The following CNTNAP2 variants were observed in gnomAD, a reference collection of about 807,000 sequenced individuals.
The protein encoded by CNTNAP2 is contactin associated protein 2.
In CNTNAP2, 98 loss-of-function variants were observed where a neutral mutation model predicts 155.2. The ratio of observed to expected loss-of-function variants is 0.63; its 90% CI spans 0.54 to 0.75. The LOEUF is 0.75. Ranked by LOEUF, CNTNAP2 falls within the 30% of genes least tolerant of loss-of-function variation. The probability of loss-of-function intolerance (pLI) is 0.00; values close to 1 mark genes in which losing one functional copy is unlikely to be tolerated. For missense variants in CNTNAP2, 1,727 were observed against 1,688.1 expected (o/e 1.02, Z -0.40); for synonymous variants, 651 against 631.2 (o/e 1.03, Z -0.47).
intron 13 of CNTNAP2, among the ~76,000 whole-genome samples, chr7:147,878,930 T>C (rs1799471890): frequency 6.6e-6 from 1 of 152,206 alleles, no homozygotes; most frequent in Non-Finnish European, 1.5e-5. Context: ...TCTTGCACAT[T>C]GCATTTGGAT....
At chr7:148,052,821 C>A (rs375572841) in intron 15 of CNTNAP2, among the ~76,000 whole-genome samples, 1 of 152,158 alleles carries the variant, frequency 6.6e-6, no homozygotes, top group Non-Finnish European at 1.5e-5. Context: ...CCAAGGTGAG[C>A]GGATTACTTG....
chr7:147,650,504 G>A (rs1326223791), intron 13 of CNTNAP2, among the ~76,000 whole-genome samples: 2 of 152,092 alleles, frequency 1.3e-5, no homozygotes, highest in Non-Finnish European at 2.9e-5. Flanking sequence ...GAAGATATGA[G>A]GATGAAGACT....
At chr7:147,801,528 A>G (rs1217622675) in intron 13 of CNTNAP2, among the ~76,000 whole-genome samples, 3 of 151,632 alleles carry the variant, frequency 2.0e-5, no homozygotes, top group Non-Finnish European at 4.4e-5. Context: ...GATGATTCTT[A>G]ACGAGCATGC....
Position 146,441,305 on chromosome 7 carries a change from T to G in CNTNAP2, c.97+324332T>G, listed in dbSNP as rs545943811. ...TCTGGGTTGGCAAAATAAAATTTTT[T>G]GGGGGGTTTGTGACTAAGTTTCAGA... is the stretch of plus-strand genomic sequence containing the variant. On this transcript the variant is annotated intron_variant, in intron 1 of 23. Coordinates refer to ENST00000361727, the MANE Select transcript of CNTNAP2 (RefSeq NM_014141.6). Among the ~76,000 whole-genome samples the G allele has an allele frequency of 7.3e-5, 11 of 151,650 alleles. 1 individual carries two copies. The highest frequency in any genetic ancestry group is 2.1e-4 in the South Asian group (1 of 4,828).
chr7:146,622,500 T>C (rs1440219289), intron 1 of CNTNAP2, among the ~76,000 whole-genome samples: 1 of 152,124 alleles, frequency 6.6e-6, no homozygotes, highest in African/African-American at 2.4e-5. Flanking sequence ...TCTATATCTG[T>C]GTCTTCATAT....
chr7:146,284,214 G>C (rs1325754115), intron 1 of CNTNAP2, among the ~76,000 whole-genome samples: 6 of 152,256 alleles, frequency 3.9e-5, no homozygotes, highest in African/African-American at 1.4e-4. Context: ...TTGGGAGAAT[G>C]TAAACTCAAA....
chr7:146,928,793 C>G (rs924655842), intron 3 of CNTNAP2, among the ~76,000 whole-genome samples: 8 of 152,218 alleles, frequency 5.3e-5, no homozygotes, highest in Admixed American at 2.6e-4. Context: ...TATCCCGCAC[C>G]TGGCTCGGAG....
intron 3 of CNTNAP2, among the ~76,000 whole-genome samples, chr7:146,916,706 C>T (rs892724592): frequency 6.6e-6 from 1 of 151,932 alleles, no homozygotes; most frequent in East Asian, 1.9e-4. Context: ...GATCTTTTCT[C>T]TTCTTTTTTT....
chr7:146,748,100 T>C, intron 1 of CNTNAP2, among the ~76,000 whole-genome samples: 1 of 151,336 alleles, frequency 6.6e-6, no homozygotes. Flanking sequence ...GAGAGTAAAG[T>C]AGTTTGTCCA....
intron 9 of CNTNAP2, among the ~76,000 whole-genome samples, chr7:147,362,291 C>A (rs946500738): frequency 6.6e-6 from 1 of 152,112 alleles, no homozygotes; most frequent in African/African-American, 2.4e-5. Context: ...TGCCACCACA[C>A]CAGCTAATTT....
intron 1 of CNTNAP2, among the ~76,000 whole-genome samples, chr7:146,170,226 G>A (rs547964982): frequency 7.2e-5 from 11 of 151,990 alleles, no homozygotes; most frequent in South Asian, 6.2e-4. Context: ...GGGTTTCACC[G>A]TGTTGGCCAG....
chr7:148,347,049 G>A (rs1358006993), intron 21 of CNTNAP2, among the ~76,000 whole-genome samples: 1 of 151,876 alleles, frequency 6.6e-6, no homozygotes, highest in Non-Finnish European at 1.5e-5. Flanking sequence ...CTGAGGTCAG[G>A]AGTTTGAGAC....
intron 11 of CNTNAP2, among the ~76,000 whole-genome samples, chr7:147,498,171 T>TAAA (rs58638014): frequency 0.027 from 3,512 of 130,302 alleles, 134 homozygotes; most frequent in African/African-American, 0.089. Flanking sequence ...CAAGCTATGA[T>TAAA]AAAAAAAAAA....
chr7:146,928,017 A>G (rs1428312165), intron 3 of CNTNAP2, among the ~76,000 whole-genome samples: 4 of 151,228 alleles, frequency 2.6e-5, no homozygotes, highest in Admixed American at 6.6e-5. Context: ...TCCTTATAAA[A>G]TATCCCTCCT....
intron 1 of CNTNAP2, among the ~76,000 whole-genome samples, chr7:146,196,323 C>T (rs1386732135): frequency 6.6e-6 from 1 of 152,128 alleles, no homozygotes; most frequent in Non-Finnish European, 1.5e-5. Flanking sequence ...GAGACTCTTA[C>T]ACAGGCGTTA....
intron 2 of CNTNAP2, among the ~76,000 whole-genome samples, chr7:146,788,857 C>T (rs1315484783): frequency 4.0e-5 from 6 of 150,296 alleles, no homozygotes; most frequent in Non-Finnish European, 8.8e-5. Context: ...TTTGTTTTTT[C>T]GTCTATCTCT....
At chr7:148,068,394 A>C (rs141380702) in intron 15 of CNTNAP2, among the ~76,000 whole-genome samples, 273 of 152,264 alleles carry the variant, frequency 1.8e-3, no homozygotes, top group African/African-American at 6.3e-3. Context: ...TGGGCTCTCT[A>C]AATTCATTTC....
At chr7:147,224,477 G>A (rs1803477160) in intron 8 of CNTNAP2, among the ~76,000 whole-genome samples, 1 of 152,118 alleles carries the variant, frequency 6.6e-6, no homozygotes, top group Admixed American at 6.5e-5. Context: ...AAATGTAGCT[G>A]ACCTGTGGGC....
At chr7:146,663,277 C>CAAAAAAAAAAAAAA (rs543257224) in intron 1 of CNTNAP2, among the ~76,000 whole-genome samples, 15 of 33,176 alleles carry the variant, frequency 4.5e-4, no homozygotes, top group South Asian at 1.8e-3. Context: ...AACTCCATCT[C>CAAAAAAAAAAAAAA]AAAAAAAAAA....
Sources: allele counts gnomAD v4.1 joint callset (sites outside exome capture counted in the v4.1 genomes callset), GRCh38; gene constraint gnomAD v4.1.1; transcripts MANE v1.5; gene names NCBI Gene and HGNC (gene_info 2026-07-23, HGNC 2026-07-21).